The following KLRD1 variants were observed in gnomAD, a reference collection of about 807,000 sequenced individuals.
The protein encoded by KLRD1 is natural killer cells antigen CD94.
Under a neutral mutation model 22.6 loss-of-function variants are expected in KLRD1, and 21 were observed. The ratio of observed to expected loss-of-function variants is 0.93; its 90% CI spans 0.66 to 1.34. The LOEUF (loss-of-function observed/expected upper bound fraction) is 1.34. KLRD1 is among the 40% of genes most tolerant of loss of function. The pLI is 0.00. For missense variants in KLRD1, 183 were observed against 208.6 expected (o/e 0.88, Z 0.76); for synonymous variants, 59 against 71.1 (o/e 0.83, Z 0.85).
In KLRD1 at chr12:10,325,748, A is replaced by G. The variant is rs1411617893; in HGVS notation, c.*10955A>G. ...TTGTATGTGTATGTACACATTGGCT[A>G]CTGTGACTAGTATAGCAATGGACAG... On this transcript the variant is annotated 3_prime_UTR_variant, in exon 6 of 6. Coordinates refer to ENST00000336164, the MANE Select transcript of KLRD1 (RefSeq NM_002262.5). 2.6e-5 allele frequency: 4 copies of G among 152,222 alleles called. No individual in the cohort carries two copies. The highest frequency in any genetic ancestry group is 3.8e-4 in the East Asian group (2 of 5,208). The allele number at this position is 152,222 out of a possible 1,614,324, so 9.4% of individuals were successfully genotyped here.
chr12:10,283,837 G>A (rs1949670245), intron 1 of KLRD1, among the ~76,000 whole-genome samples: 2 of 152,032 alleles, frequency 1.3e-5, no homozygotes, highest in Non-Finnish European at 2.9e-5. Context: ...TCAATGCATA[G>A]AACCATTATA....
chr12:10,293,460 T>C (rs1949795380), intron 1 of KLRD1, among the ~76,000 whole-genome samples: 1 of 151,720 alleles, frequency 6.6e-6, no homozygotes, highest in African/African-American at 2.4e-5. Context: ...TAAGGAAAGG[T>C]AGAGAGATGG....
chr12:10,278,889 A>G (rs2137651743), intron 1 of KLRD1, among the ~76,000 whole-genome samples: 1 of 152,038 alleles, frequency 6.6e-6, no homozygotes, highest in African/African-American at 2.4e-5. Flanking sequence ...TCTTAAAGGG[A>G]ATGTTAAATA....
upstream of KLRD1, among the ~76,000 whole-genome samples, chr12:10,299,970 A>G (rs1380196756): frequency 6.6e-6 from 1 of 152,206 alleles, no homozygotes; most frequent in Non-Finnish European, 1.5e-5. Context: ...GATTGCTGCA[A>G]TTCCGCCACG....
upstream of KLRD1, among the ~76,000 whole-genome samples, chr12:10,301,496 C>T (rs1434794813): frequency 6.6e-6 from 1 of 152,106 alleles, no homozygotes; most frequent in African/African-American, 2.4e-5. Context: ...AAATTCTTGC[C>T]CAGAACAGCT....
intron 1 of KLRD1, among the ~76,000 whole-genome samples, chr12:10,289,914 G>T (rs914308737): frequency 7.2e-5 from 11 of 152,196 alleles, no homozygotes; most frequent in African/African-American, 2.6e-4. Context: ...GAGTAGCTGG[G>T]ATTACAGGCA....
At chr12:10,264,527 T>C (rs1949482025) in intron 1 of KLRD1, among the ~76,000 whole-genome samples, 1 of 152,070 alleles carries the variant, frequency 6.6e-6, no homozygotes, top group African/African-American at 2.4e-5. Context: ...GGTAATTCAT[T>C]TTATCGAATT....
chr12:10,287,313 A>G (rs1010221949), intron 1 of KLRD1, among the ~76,000 whole-genome samples: 10 of 152,206 alleles, frequency 6.6e-5, no homozygotes, highest in Non-Finnish European at 5.9e-5. Flanking sequence ...GGTATAGTCA[A>G]TAAGTATTTG....
At chr12:10,282,169 A>G (rs1241821468) in intron 1 of KLRD1, among the ~76,000 whole-genome samples, 1 of 152,096 alleles carries the variant, frequency 6.6e-6, no homozygotes, top group Non-Finnish European at 1.5e-5. Flanking sequence ...ATTGCCTATA[A>G]TTTTTTAATG....
rs765336734 is a variant in KLRD1 at position 10,313,504 on chromosome 12, C to T, written c.410C>T (p.Ser137Phe). The change falls in exon 5 of 6, where the codon TCC (serine) becomes TTC (phenylalanine). Residue 137 changes from serine (S) to phenylalanine (F), a missense_variant. Physicochemically the swap from Ser to Phe is radical, Grantham distance 155. Transcript: ENST00000336164. ...TTGTGGGAGAATGGCTCTGCACTCTCCCAGTATCTGTAAGTTTCTGGCAAT... is the reference window on the plus strand; with the variant it reads ...TTGTGGGAGAATGGCTCTGCACTCTTCCAGTATCTGTAAGTTTCTGGCAAT... Reference protein sequence around the residue: ...AWLWENGSALSQYLFPSFETF... With the variant: ...AWLWENGSALFQYLFPSFETF... 1 of 1,569,270 alleles carries T rather than the reference C, an allele frequency of 6.4e-7. No homozygotes were observed. Among genetic ancestry groups the T allele is most frequent in the South Asian group, 1.2e-5 (1 of 85,156 alleles).
At chr12:10,301,965 T>TG (rs1949869984), upstream of KLRD1, among the ~76,000 whole-genome samples, 1 of 152,154 alleles carries the variant, frequency 6.6e-6, no homozygotes, top group Admixed American at 6.6e-5. Context: ...GGGGAACAGC[T>TG]GGTCAGTGGA....
intron 1 of KLRD1, among the ~76,000 whole-genome samples, chr12:10,255,682 T>C (rs1366259261): frequency 4.6e-5 from 7 of 152,198 alleles, no homozygotes. Flanking sequence ...CATTCCATTG[T>C]GATAGGAAAT....
intron 1 of KLRD1, among the ~76,000 whole-genome samples, chr12:10,251,022 C>G (rs11053712): frequency 0.75 from 114,428 of 152,122 alleles, 43,609 homozygotes; most frequent in East Asian, 1. Context: ...TCTGAAGTTC[C>G]ATAAACTGGA....
upstream of KLRD1, among the ~76,000 whole-genome samples, chr12:10,301,704 A>G (rs546915833): frequency 2.6e-5 from 4 of 152,320 alleles, no homozygotes; most frequent in Admixed American, 1.3e-4. Context: ...TTGGGGTAGC[A>G]CTTTTAAAAT....
At chr12:10,289,764 C>G (rs544715308) in intron 1 of KLRD1, among the ~76,000 whole-genome samples, 2 of 152,204 alleles carry the variant, frequency 1.3e-5, no homozygotes, top group African/African-American at 4.8e-5. Flanking sequence ...TGGTCCATAT[C>G]CATAATTGAA....
intron 3 of KLRD1, among the ~76,000 whole-genome samples, chr12:10,310,755 A>G (rs1950046554): frequency 6.6e-6 from 1 of 152,320 alleles, no homozygotes; most frequent in African/African-American, 2.4e-5. Flanking sequence ...ACTGCACTCC[A>G]GCCTGGGCAA....
At chr12:10,292,412 C>T (rs994638508) in intron 1 of KLRD1, among the ~76,000 whole-genome samples, 6 of 152,132 alleles carry the variant, frequency 3.9e-5, no homozygotes, top group Admixed American at 1.3e-4. Context: ...TGAAATGACT[C>T]CTTGATTCAC....
chr12:10,303,642 T>C (rs1284623044), upstream of KLRD1, among the ~76,000 whole-genome samples: 1 of 152,218 alleles, frequency 6.6e-6, no homozygotes, highest in Admixed American at 6.5e-5. Flanking sequence ...GCTTGAAATA[T>C]GCCAACAAAG....
chr12:10,319,855 A>G lies in KLRD1; in HGVS notation c.*5062A>G, dbSNP rs1386880388. 1 of 149,564 alleles carries G rather than the reference A, an allele frequency of 6.7e-6. No homozygotes were observed. Among genetic ancestry groups the G allele is most frequent in the East Asian group, 1.9e-4 (1 of 5,148 alleles). 9.3% of individuals were successfully genotyped at this position (149,564 alleles called of 1,614,324 possible). ...TCTCAGAAGCTGTGTGAAATAGTAA[A>G]GTGTTTATTCTTTTTTTTTTTTTTT... On this transcript the variant is annotated 3_prime_UTR_variant, in exon 6 of 6. Coordinates refer to ENST00000336164, the MANE Select transcript of KLRD1 (RefSeq NM_002262.5).
Sources: gnomAD v4.1 joint callset for allele counts (sites outside exome capture counted in the v4.1 genomes callset) on GRCh38, gnomAD v4.1.1 for gene constraint, MANE v1.5 for transcripts, NCBI Gene and HGNC (gene_info 2026-07-23, HGNC 2026-07-21) for gene names.